The following TPM3 variants were observed in gnomAD, a reference collection of about 807,000 sequenced individuals.
TPM3 encodes tropomyosin alpha-3 chain.
A neutral mutation model predicts 43.1 loss-of-function variants in TPM3; 16 were observed. The observed-to-expected ratio is 0.37, with a 90% CI of 0.25 to 0.56. TPM3 has a LOEUF of 0.56. TPM3 is among the 20% of genes least tolerant of loss of function. TPM3 has a pLI of 0.77. For missense variants in TPM3, 176 were observed against 337.2 expected, an observed-to-expected ratio of 0.52 and a Z score of 3.74; for synonymous variants, 101 against 116.9, an observed-to-expected ratio of 0.86 and a Z score of 0.88.
chr1:154,169,479 T>C (rs771223208), intron 8 of TPM3, 96 bp from the exon 9 acceptor site: 2 of 1,296,214 alleles, frequency 1.5e-6, no homozygotes, highest in African/African-American at 1.5e-5. Flanking sequence ...ATTAGGAAAG[T>C]GTGACTGTGG....
intron 2 of TPM3, among the ~76,000 whole-genome samples, chr1:154,188,674 CAAAAAAA>C (rs572467862): frequency 3.9e-4 from 23 of 59,528 alleles, no homozygotes; most frequent in Non-Finnish European, 7.1e-4. Flanking sequence ...GACTCCGTCT[CAAAAAAA>C]AAAAAAAAAA....
rs908938500 is a variant in TPM3, at chr1:154,172,806, T to A, written c.566+102A>T. 1.4e-5 allele frequency: 20 copies of A among 1,455,008 alleles called. No individual in the cohort carries two copies. The South Asian group carries it at 2.2e-4, about 16-fold the overall frequency. The allele number at this position is 1,455,008 out of a possible 1,614,324, so 90.1% of individuals were successfully genotyped here. On this transcript the variant is annotated intron_variant, in intron 5 of 9. Coordinates refer to ENST00000651641, the MANE Select transcript of TPM3 (RefSeq NM_152263.4). ...GATGACTCCCATTCCCTAGGCCCTG[T>A]TTAACAAGGTTGAAGGAATGCTAAT...
At chr1:154,182,326 C>T (rs931060565) in intron 2 of TPM3, among the ~76,000 whole-genome samples, 1 of 152,196 alleles carries the variant, frequency 6.6e-6, no homozygotes, top group East Asian at 1.9e-4. Context: ...GTGGGTGTAG[C>T]AGCTGCAAGA....
At position 154,163,163 on chromosome 1, in the gene TPM3, G is replaced by A. The variant is rs570301622; in HGVS notation, c.*4774C>T. Among the ~76,000 whole-genome samples, 33 of 152,200 alleles carry A rather than the reference G, an allele frequency of 2.2e-4. No homozygotes were observed. The highest frequency in any genetic ancestry group is 6.7e-4 in the African/African-American group (28 of 41,524). ...TCATGTCAAAGCCAACTTCTGCCCAGGATCTGAATATTTAGAAATGCATTG... is the reference window on the plus strand; with the variant it reads ...TCATGTCAAAGCCAACTTCTGCCCAAGATCTGAATATTTAGAAATGCATTG... On this transcript the variant is annotated 3_prime_UTR_variant, in exon 10 of 10. Transcript: ENST00000651641.
chr1:154,179,821 C>A (rs1005930040), intron 2 of TPM3, among the ~76,000 whole-genome samples: 18 of 152,134 alleles, frequency 1.2e-4, no homozygotes, highest in African/African-American at 4.3e-4. Context: ...CCCGCCTAGG[C>A]CTCCCAAAGG....
At chr1:154,178,257 G>A (rs1265138466) in intron 2 of TPM3, 1 of 899,714 alleles carries the variant, frequency 1.1e-6, no homozygotes, top group African/African-American at 1.8e-5. Context: ...ACAGCAAGCT[G>A]GCTCAGGCAG....
rs2148211796 is a variant in TPM3 at position 154,165,353 on chromosome 1, T to C, written c.*2584A>G. 6.6e-6 allele frequency among the ~76,000 whole-genome samples: 1 copy of C among 151,508 alleles called. No individual in the cohort carries two copies. Among genetic ancestry groups the C allele is most frequent in the East Asian group, 2.0e-4 (1 of 5,116 alleles). On this transcript the variant is annotated 3_prime_UTR_variant, in exon 10 of 10. Coordinates refer to ENST00000651641, the MANE Select transcript of TPM3 (RefSeq NM_152263.4). ...GCCATGATCTCACCACTGCACTCCA[T>C]CCAGCCTGGGTGACAGAGCGAGACT...
At chr1:154,159,991 CT>C (rs60242183), downstream of TPM3, among the ~76,000 whole-genome samples, 5,310 of 129,790 alleles carry the variant, frequency 0.041, 290 homozygotes, top group African/African-American at 0.13. Flanking sequence ...AAGTTATTTC[CT>C]TTTTTTTTTT....
At chr1:154,172,746 C>G in intron 5 of TPM3, 162 bp downstream of exon 5, 1 of 868,120 alleles carries the variant, frequency 1.2e-6, no homozygotes, top group Non-Finnish European at 1.9e-6. Flanking sequence ...AATAAGGAAG[C>G]CTAAAACCAT....
In TPM3 at chr1:154,163,238, A is replaced by G. The variant is rs1156255627; in HGVS notation, c.*4699T>C. 1.3e-5 allele frequency among the ~76,000 whole-genome samples: 2 copies of G among 152,246 alleles called. No homozygotes were observed. Among genetic ancestry groups the G allele is most frequent in the Admixed American group, 1.3e-4 (2 of 15,284 alleles). Reference sequence around the variant, plus strand: ...AGGTAGCCAAATTTAAATGAACTACAATGAAATACAATTAAATTTTAGCCC... The same window carrying G: ...AGGTAGCCAAATTTAAATGAACTACGATGAAATACAATTAAATTTTAGCCC... On this transcript the variant is annotated 3_prime_UTR_variant, in exon 10 of 10. Transcript: ENST00000651641.
chr1:154,191,225 G>A lies in TPM3; in HGVS notation c.204C>T (p.Ala68=), dbSNP rs1226611186. The A allele has an allele frequency of 6.2e-7, 1 of 1,613,952 alleles. No homozygotes were observed. Among genetic ancestry groups the A allele is most frequent in the South Asian group, 1.1e-5 (1 of 91,068 alleles). The change falls in exon 2 of 10, where the codon GCC becomes GCT. Residue 68 remains alanine, a synonymous_variant. Transcript: ENST00000651641. ...TCTCTGCCAGTTCCAGCTTCTCCTG[G>A]GCATCCTTCAAAGCTTCAGAATACT... ...LDKYSEALKD[A]QEKLELAEKK... is the part of the protein sequence containing the mutation.
downstream of TPM3, chr1:154,158,531 C>A: frequency 2.9e-6 from 1 of 347,122 alleles, no homozygotes; most frequent in Non-Finnish European, 5.4e-6. Context: ...TATCCCACAA[C>A]TTTTCTTTCA....
chr1:154,179,190 CATTACCCAGG>C (rs569716779), intron 2 of TPM3, among the ~76,000 whole-genome samples: 29 of 152,346 alleles, frequency 1.9e-4, no homozygotes, highest in African/African-American at 6.5e-4. Flanking sequence ...CTCACAAATG[CATTACCCAGG>C]GAGATACCGT....
At chr1:154,182,839 C>T in intron 2 of TPM3, 1 of 1,225,242 alleles carries the variant, frequency 8.2e-7, no homozygotes, top group Non-Finnish European at 1.2e-6. Flanking sequence ...CCTACTGGTG[C>T]TGAGCCCCAC....
rs577981719 is a variant in TPM3 at position 154,182,937 on chromosome 1, C to T, written c.244-6689G>A. On this transcript the variant is annotated intron_variant, in intron 2 of 9. Transcript: ENST00000651641. ...GGCAAAAGGGACCTTATTCCGCTTG[C>T]CGGATACTCCAGCGCCTGCCCCTCC... 9.8e-5 allele frequency: 157 copies of T among 1,608,992 alleles called. 4 individuals are homozygous for T. In the South Asian group the frequency reaches 1.7e-3, roughly 17 times the overall value.
chr1:154,171,217 C>A, intron 6 of TPM3, 196 bp downstream of exon 6: 1 of 663,188 alleles, frequency 1.5e-6, no homozygotes, highest in Non-Finnish European at 2.7e-6. Flanking sequence ...AACCTGAGAC[C>A]AAGAAGTTAT....
At position 154,177,435 on chromosome 1, in the gene TPM3, G is replaced by T. The variant is rs183920096; in HGVS notation, c.244-1187C>A. Among the ~76,000 whole-genome samples, 11 of 152,160 alleles carry T rather than the reference G, an allele frequency of 7.2e-5. 1 individual carries two copies. Among genetic ancestry groups the T allele is most frequent in the African/African-American group, 2.4e-4 (10 of 41,492 alleles). ...GAGTCCAAGTAAACCCATCCTGGAT[G>T]GGTTTTCTCTAAGAAACAAGGAAAG... On this transcript the variant is annotated intron_variant, in intron 2 of 9. Transcript: ENST00000651641.
intron 3 of TPM3, among the ~76,000 whole-genome samples, chr1:154,174,250 G>C (rs1299481604): frequency 6.8e-6 from 1 of 146,040 alleles, no homozygotes; most frequent in Non-Finnish European, 1.5e-5. Context: ...CATGAGAATG[G>C]CTTGAACCCG....
chr1:154,159,071 G>A (rs1189278643), downstream of TPM3: 2 of 780,006 alleles, frequency 2.6e-6, no homozygotes, highest in Non-Finnish European at 4.8e-6. Context: ...CGGAGAGGAG[G>A]GGAACACAAG....
Sources: allele counts gnomAD v4.1 joint callset (sites outside exome capture counted in the v4.1 genomes callset), GRCh38; gene constraint gnomAD v4.1.1; transcripts MANE v1.5; gene names NCBI Gene and HGNC (gene_info 2026-07-23, HGNC 2026-07-21).